The following PTPRQ variants were observed in gnomAD, a reference collection of about 807,000 sequenced individuals.
PTPRQ encodes the protein protein tyrosine phosphatase receptor type Q, also known as phosphatidylinositol phosphatase PTPRQ.
PTPRQ carries 199 observed loss-of-function variants against 246.0 expected under a neutral mutation model. The ratio of observed to expected loss-of-function variants is 0.81; its 90% CI spans 0.72 to 0.91. The LOEUF is 0.91. PTPRQ is among the 40% of genes least tolerant of loss of function. The probability of loss-of-function intolerance (pLI) is 0.00; values close to 1 mark genes in which losing one functional copy is unlikely to be tolerated. For synonymous variants in PTPRQ, 869 were observed against 853.2 expected, an observed-to-expected ratio of 1.02 and a Z score of -0.32; for missense variants, 2,624 against 2,528.4, an observed-to-expected ratio of 1.04 and a Z score of -0.81.
At chr12:80,480,952 G>A (rs1894025094) in intron 8 of PTPRQ, among the ~76,000 whole-genome samples, 3 of 152,180 alleles carry the variant, frequency 2.0e-5, no homozygotes, top group Middle Eastern at 3.4e-3. Context: ...GGTACAAGGA[G>A]GAACTGGTAC....
intron 25 of PTPRQ, among the ~76,000 whole-genome samples, chr12:80,575,200 C>CTTAA (rs1897250666): frequency 6.6e-6 from 1 of 152,102 alleles, no homozygotes; most frequent in Non-Finnish European, 1.5e-5. Flanking sequence ...GTATAATAGC[C>CTTAA]TTAATGTCAC....
At chr12:80,553,752 G>T (rs1315984659) in intron 25 of PTPRQ, among the ~76,000 whole-genome samples, 1 of 152,072 alleles carries the variant, frequency 6.6e-6, no homozygotes, top group Non-Finnish European at 1.5e-5. Flanking sequence ...AGGCCCCCAA[G>T]CTTGGTTCTA....
rs1895356101 is a variant in PTPRQ, at chr12:80,517,951, C to G, written c.2678+7508C>G. On this transcript the variant is annotated intron_variant, in intron 17 of 44. Transcript: ENST00000644991. ...GAGTACTGCAACAAACATGTAAGTG[C>G]AGATATCTCTTCCATATACTGATTT... is the stretch of plus-strand genomic sequence containing the variant. Among the ~76,000 whole-genome samples the G allele has an allele frequency of 1.3e-5, 2 of 152,272 alleles. 1 individual carries two copies. Among genetic ancestry groups the G allele is most frequent in the African/African-American group, 4.8e-5 (2 of 41,552 alleles).
chr12:80,646,846 A>G (rs1297476668), intron 35 of PTPRQ, among the ~76,000 whole-genome samples: 1 of 152,228 alleles, frequency 6.6e-6, no homozygotes, highest in African/African-American at 2.4e-5. Context: ...CTGAAAAGAC[A>G]TGAACTTAAA....
Position 80,610,575 on chromosome 12 carries a change from A to T in PTPRQ, c.4868A>T (p.Tyr1623Phe), listed in dbSNP as rs61729261. The T allele has an allele frequency of 6.5e-5, 101 of 1,543,780 alleles. No homozygotes were observed. In the African/African-American group the frequency reaches 1.1e-3, roughly 17 times the overall value. Reference protein sequence around the residue: ...TAFTGNISAAYVEGKSSAEMI... With the variant: ...TAFTGNISAAFVEGKSSAEMI... ...TTTACTGGGAACATTAGTGCTGCAT[A>T]TGTAGAAGGGAAGTCAAGTGCTGAA... Residue 1623 changes from tyrosine to phenylalanine, a missense_variant, in exon 28 of 45, where the codon TAT (tyrosine) becomes TTT (phenylalanine). Tyr to Phe is a conservative substitution (Grantham distance 22). Transcript: ENST00000644991.
intron 25 of PTPRQ, among the ~76,000 whole-genome samples, chr12:80,559,498 C>G (rs1238777283): frequency 6.6e-6 from 1 of 152,180 alleles, no homozygotes; most frequent in Non-Finnish European, 1.5e-5. Context: ...TGTCTCTCCT[C>G]CATTGAATTG....
chr12:80,448,874 C>CT (rs1446865501), intron 3 of PTPRQ, among the ~76,000 whole-genome samples: 1 of 145,848 alleles, frequency 6.9e-6, no homozygotes, highest in Non-Finnish European at 1.5e-5. Flanking sequence ...ATTTATAGTC[C>CT]TTTGGGTATA....
chr12:80,447,177 A>G (rs1419865977), intron 3 of PTPRQ, among the ~76,000 whole-genome samples: 2 of 151,968 alleles, frequency 1.3e-5, no homozygotes, highest in Non-Finnish European at 1.5e-5. Context: ...CATTTTTTAT[A>G]TACTTACTGG....
At chr12:80,573,317 G>A (rs1396383403) in intron 25 of PTPRQ, among the ~76,000 whole-genome samples, 2 of 152,008 alleles carry the variant, frequency 1.3e-5, no homozygotes, top group Admixed American at 6.6e-5. Context: ...GTGAAACCCC[G>A]TCTCTACTAA....
chr12:80,577,720 T>C (rs1339142267), intron 25 of PTPRQ, among the ~76,000 whole-genome samples: 3 of 152,180 alleles, frequency 2.0e-5, no homozygotes, highest in Admixed American at 1.3e-4. Context: ...GCCCCAATTG[T>C]CCAACTATAC....
At chr12:80,511,294 A>G (rs1050736602) in intron 17 of PTPRQ, among the ~76,000 whole-genome samples, 4 of 151,946 alleles carry the variant, frequency 2.6e-5, no homozygotes, top group African/African-American at 4.8e-5. Context: ...CTTTAAGACT[A>G]TATTTTTTGT....
chr12:80,483,744 C>T (rs899068048), intron 8 of PTPRQ, among the ~76,000 whole-genome samples: 1 of 151,784 alleles, frequency 6.6e-6, no homozygotes. Context: ...AGCCCCCCAC[C>T]CACCGACAGG....
chr12:80,487,267 T>A (rs1894307156), intron 9 of PTPRQ, among the ~76,000 whole-genome samples: 1 of 152,074 alleles, frequency 6.6e-6, no homozygotes, highest in Non-Finnish European at 1.5e-5. Flanking sequence ...AGGGGCTTCA[T>A]GATGGGAGGG....
chr12:80,582,848 T>C (rs1001074442), intron 25 of PTPRQ, among the ~76,000 whole-genome samples: 4 of 152,084 alleles, frequency 2.6e-5, no homozygotes, highest in African/African-American at 9.7e-5. Flanking sequence ...GAGTGAGACC[T>C]TGTCAAAACA....
intron 32 of PTPRQ, among the ~76,000 whole-genome samples, chr12:80,621,561 A>T (rs1565824114): frequency 6.6e-6 from 1 of 152,040 alleles, no homozygotes; most frequent in Admixed American, 6.6e-5. Flanking sequence ...GAAGCAAAAA[A>T]GTATACAAAT....
rs1896404597 is a variant in PTPRQ at position 80,549,478 on chromosome 12, G to A, written c.4029G>A (p.Val1343=). The change falls in exon 25 of 45, where the codon GTG becomes GTA. Residue 1343 remains valine (V), a synonymous_variant. Transcript: ENST00000644991. ...FTTQESVPDV[V]QNMQCMATSW... Reference sequence around the variant, plus strand: ...TTATCTCTTAAGTTCCAGATGTCGTGCAGAATATGCAGTGCATGGCAACTA... The same window carrying A: ...TTATCTCTTAAGTTCCAGATGTCGTACAGAATATGCAGTGCATGGCAACTA... 1 of 1,546,900 alleles carries A rather than the reference G, an allele frequency of 6.5e-7. No individual in the cohort carries two copies. The highest frequency in any genetic ancestry group is 2.4e-5 in the East Asian group (1 of 40,860).
In PTPRQ at chr12:80,605,068, G is replaced by T; in HGVS notation, c.4619G>T (p.Gly1540Val). ...STKTLPGPPD[G>V]PPENVHVVAT... ...TTTTCTATTGTCATAGCTCCAGATG[G>T]TCCTCCTGAAAATGTTCATGTAGTA... The change falls in exon 27 of 45, where the codon GGT becomes GTT. Residue 1540 changes from glycine (G) to valine (V), a missense_variant. By Grantham distance (109) the Gly-to-Val change is moderately radical (BLOSUM62 -3). Coordinates refer to ENST00000644991, the MANE Select transcript of PTPRQ (RefSeq NM_001145026.2). 6.5e-7 allele frequency: 1 copy of T among 1,540,678 alleles called. No individual in the cohort carries two copies. The highest frequency in any genetic ancestry group is 2.0e-5 in the Admixed American group (1 of 49,930).
chr12:80,629,152 G>GCA (rs35680769), intron 33 of PTPRQ, among the ~76,000 whole-genome samples: 4,055 of 146,176 alleles, frequency 0.028, 107 homozygotes, highest in African/African-American at 0.063. Flanking sequence ...GGAGTGAGTG[G>GCA]CACACACACA....
At position 80,495,093 on chromosome 12, in the gene PTPRQ, A is replaced by G. The variant is rs1349104911; in HGVS notation, c.1701A>G (p.Gln567=). The stretch of plus-strand genomic sequence containing the variant: ...TTCTCAGTGTTAGGACACGTCAGCA[A>G]GGTAAGGATGTATTTCCTTTGAAAC... ...PTVLSVRTRQ[Q]VPSSIKIINY... Residue 567 remains glutamine, a splice_region_variant and synonymous_variant, in exon 11 of 45, where the codon CAA becomes CAG. Transcript: ENST00000644991. 6 of 1,550,368 alleles carry G rather than the reference A, an allele frequency of 3.9e-6. No homozygotes were observed. In the Admixed American group the frequency reaches 1.2e-4, roughly 30 times the overall value.
Sources: allele counts gnomAD v4.1 joint callset (sites outside exome capture counted in the v4.1 genomes callset), GRCh38; gene constraint gnomAD v4.1.1; transcripts MANE v1.5; gene names NCBI Gene and HGNC (gene_info 2026-07-23, HGNC 2026-07-21).